Variants in CBLB observed in about 807,000 individuals in gnomAD.
CBLB encodes E3 ubiquitin-protein ligase CBL-B.
In CBLB, 31 loss-of-function variants were observed where a neutral mutation model predicts 104.9. The observed-to-expected ratio is 0.30, with a 90% CI of 0.22 to 0.40. The LOEUF (loss-of-function observed/expected upper bound fraction) is 0.40. CBLB is among the 10% of genes least tolerant of loss of function. CBLB has a pLI of 1.00. For synonymous variants in CBLB, 440 were observed against 422.6 expected, an observed-to-expected ratio of 1.04 and a Z score of -0.51; for missense variants, 1,062 against 1,214.6, an observed-to-expected ratio of 0.87 and a Z score of 1.87.
intron 3 of CBLB, among the ~76,000 whole-genome samples, chr3:105,802,063 C>T (rs1241803559): frequency 2.0e-5 from 3 of 152,160 alleles, no homozygotes; most frequent in Admixed American, 6.5e-5. Context: ...ACTGTAATAA[C>T]CTTCAAGAAA....
intron 3 of CBLB, among the ~76,000 whole-genome samples, chr3:105,792,054 T>A (rs2081714734): frequency 1.3e-5 from 2 of 152,164 alleles, no homozygotes; most frequent in African/African-American, 4.8e-5. Context: ...CCTTAGACCA[T>A]CAGCATAGCA....
intron 3 of CBLB, among the ~76,000 whole-genome samples, chr3:105,831,675 C>T (rs960914022): frequency 2.6e-5 from 4 of 152,138 alleles, no homozygotes; most frequent in African/African-American, 7.2e-5. Flanking sequence ...ACTGTGACAA[C>T]CTATTTGATA....
At chr3:105,846,969 A>C (rs531371182) in intron 3 of CBLB, among the ~76,000 whole-genome samples, 2 of 152,212 alleles carry the variant, frequency 1.3e-5, no homozygotes, top group African/African-American at 2.4e-5. Context: ...ATTTAAATTA[A>C]TACTACTGTA....
intron 1 of CBLB, 25 bp from the exon 2 acceptor site, chr3:105,867,616 G>T (rs770695006): frequency 8.1e-6 from 13 of 1,606,972 alleles, no homozygotes; most frequent in Non-Finnish European, 1.1e-5. Context: ...TTTAAAAAAA[G>T]AAAAGTTAGT....
chr3:105,758,344 C>T (rs2152924864), intron 4 of CBLB, among the ~76,000 whole-genome samples: 1 of 152,304 alleles, frequency 6.6e-6, no homozygotes, highest in Non-Finnish European at 1.5e-5. Flanking sequence ...AAATTCCTGA[C>T]ACGATAAAGA....
chr3:105,791,398 G>T (rs1204287573), intron 3 of CBLB, among the ~76,000 whole-genome samples: 1 of 152,008 alleles, frequency 6.6e-6, no homozygotes, highest in African/African-American at 2.4e-5. Context: ...TTCCAGAAAT[G>T]ATTCATCTGA....
At chr3:105,723,724 T>C (rs1323022300) in intron 9 of CBLB, among the ~76,000 whole-genome samples, 3 of 152,104 alleles carry the variant, frequency 2.0e-5, no homozygotes, top group Admixed American at 2.0e-4. Context: ...TCACCTTCCA[T>C]ACTTTGTTTA....
intron 3 of CBLB, among the ~76,000 whole-genome samples, chr3:105,803,565 C>A (rs1281905944): frequency 6.6e-6 from 1 of 152,150 alleles, no homozygotes. Context: ...AGGTAAGGCA[C>A]AGGGAGTTGT....
intron 3 of CBLB, among the ~76,000 whole-genome samples, chr3:105,795,691 T>C (rs1577263392): frequency 6.6e-6 from 1 of 152,120 alleles, no homozygotes; most frequent in East Asian, 1.9e-4. Flanking sequence ...TGGCTTATGG[T>C]TTTTTGTTTT....
chr3:105,787,644 C>T (rs1331847441), intron 3 of CBLB, among the ~76,000 whole-genome samples: 1 of 152,194 alleles, frequency 6.6e-6, no homozygotes, highest in Non-Finnish European at 1.5e-5. Flanking sequence ...TTTCAACTTA[C>T]AGACTTTCCT....
chr3:105,702,235 T>A lies in CBLB; in HGVS notation c.1818A>T (p.Gly606=), dbSNP rs779791018. Residue 606 remains glycine, a synonymous_variant, in exon 12 of 19, where the codon GGA becomes GGT. Coordinates refer to ENST00000394030, the MANE Select transcript of CBLB (RefSeq NM_170662.5). ...RDVFGTNQLV[G]CRLLGEGSPK... ...GAGAGCCCTCCCCTAGGAGTCGACA[T>A]CCCACAAGCTGATTAGTCCCAAACA... 13 of 1,613,944 alleles carry A rather than the reference T, an allele frequency of 8.1e-6. No individual in the cohort carries two copies. Among genetic ancestry groups the A allele is most frequent in the Non-Finnish European group, 1.0e-5 (12 of 1,179,972 alleles).
At chr3:105,863,485 A>C (rs2092250833) in intron 2 of CBLB, among the ~76,000 whole-genome samples, 2 of 152,242 alleles carry the variant, frequency 1.3e-5, no homozygotes, top group Admixed American at 1.3e-4. Flanking sequence ...TCTCCAACTT[A>C]GTAAACACAA....
At chr3:105,753,580 C>G (rs1320426832) in intron 4 of CBLB, among the ~76,000 whole-genome samples, 1 of 152,030 alleles carries the variant, frequency 6.6e-6, no homozygotes, top group African/African-American at 2.4e-5. Context: ...AAAATATGAT[C>G]AGGGAACCAC....
At chr3:105,775,868 T>TA (rs1217468370) in intron 4 of CBLB, among the ~76,000 whole-genome samples, 1 of 152,146 alleles carries the variant, frequency 6.6e-6, no homozygotes. Context: ...CTCTATGCAG[T>TA]AAAACAAAGA....
At chr3:105,726,154 T>C (rs904129205) in intron 9 of CBLB, among the ~76,000 whole-genome samples, 3 of 151,848 alleles carry the variant, frequency 2.0e-5, no homozygotes. Context: ...TGGCCAAAGA[T>C]TATTTCTTAT....
At chr3:105,723,243 A>C (rs1433187894) in intron 9 of CBLB, among the ~76,000 whole-genome samples, 2 of 152,176 alleles carry the variant, frequency 1.3e-5, no homozygotes, top group Non-Finnish European at 2.9e-5. Context: ...CAATAATTAA[A>C]ATAATGTTTC....
In CBLB at chr3:105,842,586, AAGAGAATCTGCTAGAGAAGCAAG is replaced by A. The variant is rs1445344024; in HGVS notation, c.419+10805_419+10827del. On this transcript the variant is annotated intron_variant, in intron 3 of 18. Coordinates refer to ENST00000394030, the MANE Select transcript of CBLB (RefSeq NM_170662.5). ...TGACCCAGTGGCTTAAATAATATGGAAGAGAATCTGCTAGAGAAGCAAGTAGGTGGTAAGGTACTGGGACAGCT... is the reference window on the plus strand; with the variant it reads ...TGACCCAGTGGCTTAAATAATATGGATAGGTGGTAAGGTACTGGGACAGCT... Among the ~76,000 whole-genome samples, 19 of 152,276 alleles carry A rather than the reference AAGAGAATCTGCTAGAGAAGCAAG, an allele frequency of 1.2e-4. No individual in the cohort carries two copies. In the East Asian group the frequency reaches 3.3e-3, roughly 26 times the overall value.
chr3:105,866,686 T>C (rs939547330), intron 2 of CBLB, among the ~76,000 whole-genome samples: 10 of 152,260 alleles, frequency 6.6e-5, no homozygotes, highest in Admixed American at 1.3e-4. Context: ...TTGACTTCTC[T>C]GGATACTGAC....
chr3:105,838,742 C>G (rs2089042499), intron 3 of CBLB, among the ~76,000 whole-genome samples: 1 of 150,948 alleles, frequency 6.6e-6, no homozygotes, highest in South Asian at 2.1e-4. Flanking sequence ...CTCCACCTAC[C>G]AGGTTCAAGC....
Sources: allele counts gnomAD v4.1 joint callset (sites outside exome capture counted in the v4.1 genomes callset), GRCh38; gene constraint gnomAD v4.1.1; transcripts MANE v1.5; gene names NCBI Gene and HGNC (gene_info 2026-07-23, HGNC 2026-07-21).